The following CORO2B variants were observed in gnomAD, a reference collection of about 807,000 sequenced individuals.
CORO2B encodes the protein coronin-2B.
In CORO2B, 26 loss-of-function variants were observed where a neutral mutation model predicts 58.8. The ratio of observed to expected loss-of-function variants is 0.44; its 90% CI spans 0.32 to 0.61. CORO2B has a LOEUF of 0.61. Ranked by LOEUF, CORO2B falls within the 20% of genes least tolerant of loss-of-function variation. The probability of loss-of-function intolerance (pLI) is 0.04; values close to 1 mark genes in which losing one functional copy is unlikely to be tolerated. For synonymous variants in CORO2B, 242 were observed against 253.8 expected (o/e 0.95, Z 0.44); for missense variants, 460 against 645.1 (o/e 0.71, Z 3.11).
Position 68,726,826 on chromosome 15 carries a change from C to T in CORO2B, c.*852C>T, listed in dbSNP as rs1294911950. On this transcript the variant is annotated 3_prime_UTR_variant, in exon 12 of 12. Transcript: ENST00000261861. ...GGCCTTTCCCGCTGCATCAAGATGC[C>T]AATCCCTTTGTGGGCTTCACCAGTG... 6.6e-6 allele frequency: 1 copy of T among 152,228 alleles called. No homozygotes were observed. Among genetic ancestry groups the T allele is most frequent in the African/African-American group, 2.4e-5 (1 of 41,448 alleles). 9.4% of individuals were successfully genotyped at this position (152,228 alleles called of 1,614,324 possible). A position where few individuals can be genotyped will look rare whatever the true frequency, so the allele number is the denominator to read the frequency against.
chr15:68,712,296 G>A (rs560310601), intron 5 of CORO2B, among the ~76,000 whole-genome samples: 1 of 152,308 alleles, frequency 6.6e-6, no homozygotes, highest in South Asian at 2.1e-4. Flanking sequence ...TACACAAGAA[G>A]GGATTAATGC....
At chr15:68,638,172 C>T (rs1461243649) in intron 1 of CORO2B, among the ~76,000 whole-genome samples, 1 of 152,148 alleles carries the variant, frequency 6.6e-6, no homozygotes, top group Non-Finnish European at 1.5e-5. Flanking sequence ...ATCTGGAATC[C>T]AGAACCTCTC....
Position 68,645,315 on chromosome 15 carries a change from C to T in CORO2B, c.171C>T (p.Thr57=), listed in dbSNP as rs758111798. The T allele has an allele frequency of 1.6e-5, 26 of 1,613,264 alleles. No homozygotes were observed. Among genetic ancestry groups the T allele is most frequent in the Admixed American group, 1.2e-4 (7 of 60,002 alleles). The change falls in exon 2 of 12, where the codon ACC becomes ACT. Residue 57 remains threonine, a synonymous_variant. Coordinates refer to ENST00000261861, the MANE Select transcript of CORO2B (RefSeq NM_006091.5). The surrounding 1 kb of genome is among the most constrained non-coding windows in gnomAD (Gnocchi z 4.5). The part of the protein sequence containing the change: ...AVNTRFLAIV[T]ESAGGGSFLV... ...ACACCCGCTTCCTGGCCATCGTCAC[C>T]GAGAGCGCAGGGGGCGGCTCCTTCC...
At chr15:68,695,884 G>A (rs1354020848) in intron 3 of CORO2B, among the ~76,000 whole-genome samples, 1 of 152,002 alleles carries the variant, frequency 6.6e-6, no homozygotes, top group African/African-American at 2.4e-5. Flanking sequence ...ACAGATAGGA[G>A]AAATAGAGAT....
rs567451696 is a variant in CORO2B, at chr15:68,705,846, G to A, written c.334-4886G>A. ...TACTTGAACCCACACACCTCTAACA[G>A]GTACAGTCTCTATTTTCTGGATGAG... On this transcript the variant is annotated intron_variant, in intron 3 of 11. Transcript: ENST00000261861. Among the ~76,000 whole-genome samples the A allele has an allele frequency of 1.2e-4, 19 of 152,166 alleles. No homozygotes were observed. The East Asian group carries it at 3.7e-3, about 29-fold the overall frequency.
the CORO2B span, among the ~76,000 whole-genome samples, chr15:68,571,235 T>C: frequency 6.6e-6 from 1 of 152,342 alleles, no homozygotes; most frequent in South Asian, 2.1e-4. Context: ...TACTCAGTAC[T>C]CAATATTCAG....
At chr15:68,685,950 G>A (rs959722101) in intron 2 of CORO2B, among the ~76,000 whole-genome samples, 1 of 151,194 alleles carries the variant, frequency 6.6e-6, no homozygotes, top group Non-Finnish European at 1.5e-5. Flanking sequence ...ACAAATCTAA[G>A]GGGCTTCGCA....
Position 68,695,123 on chromosome 15 carries a change from CTCTT to C in CORO2B, c.217-13_217-10del. Reference sequence around the variant, plus strand: ...CAAACTAATCTCCTTCTCTCTCTCTCTCTTTCTCCTCTGCAGACAGGCAGGATTG... The same window carrying C: ...CAAACTAATCTCCTTCTCTCTCTCTCTCTCCTCTGCAGACAGGCAGGATTG... On this transcript the variant is annotated splice_polypyrimidine_tract_variant and intron_variant, in intron 2 of 11. Transcript: ENST00000261861. The C allele has an allele frequency of 1.9e-6, 3 of 1,598,554 alleles. No homozygotes were observed. The highest frequency in any genetic ancestry group is 2.6e-6 in the Non-Finnish European group (3 of 1,166,180).
In CORO2B at chr15:68,701,482, T is replaced by TTTA. The variant is rs1892646797; in HGVS notation, c.333+6228_333+6229insATT. 4.1e-5 allele frequency among the ~76,000 whole-genome samples: 4 copies of TTTA among 97,660 alleles called. No homozygotes were observed. The South Asian group carries it at 1.6e-3, about 38-fold the overall frequency. 64.1% of individuals were successfully genotyped at this position (97,660 alleles called of 152,430 possible). On this transcript the variant is annotated intron_variant, in intron 3 of 11. Transcript: ENST00000261861. ...GCCTGCAACCACGCCCGGCTAATTT[T>TTTA]TTTTTTTTTTTTTTTTTTTTTGAGA... is the stretch of plus-strand genomic sequence containing the variant.
rs78726358 is a variant in CORO2B at position 68,717,311 on chromosome 15, C to CAA, written c.968-1373_968-1372dup. Among the ~76,000 whole-genome samples the CAA allele has an allele frequency of 6.4e-3, 716 of 112,610 alleles. 5 individuals are homozygous for CAA. Among genetic ancestry groups the CAA allele is most frequent in the African/African-American group, 0.022 (684 of 31,738 alleles). 73.9% of individuals were successfully genotyped at this position (112,610 alleles called of 152,430 possible). On this transcript the variant is annotated intron_variant, in intron 8 of 11. Transcript: ENST00000261861. The stretch of plus-strand genomic sequence containing the variant: ...CCTGGGCAACAGAGCCAGACTCTGT[C>CAA]AAAAAAAAAAAAAAAGATTTCTCTG...
intron 1 of CORO2B, among the ~76,000 whole-genome samples, chr15:68,595,387 C>T (rs145272302): frequency 2.6e-4 from 39 of 152,356 alleles, no homozygotes; most frequent in Admixed American, 8.5e-4. Flanking sequence ...ACCAGAGAAG[C>T]AAGGCAGCAC....
At chr15:68,701,199 C>T (rs2140318117) in intron 3 of CORO2B, among the ~76,000 whole-genome samples, 1 of 152,308 alleles carries the variant, frequency 6.6e-6, no homozygotes, top group East Asian at 1.9e-4. Context: ...GAGAAAGCAG[C>T]AGTATGGCTC....
chr15:68,535,128 C>T, the CORO2B span, among the ~76,000 whole-genome samples: 598 of 152,292 alleles, frequency 3.9e-3, 1 homozygote, highest in Non-Finnish European at 7.5e-3. Flanking sequence ...GTCTCCTAGG[C>T]ACCTCACCTT....
chr15:68,549,885 G>A, the CORO2B span, among the ~76,000 whole-genome samples: 11 of 151,940 alleles, frequency 7.2e-5, no homozygotes, highest in African/African-American at 2.7e-4. Flanking sequence ...AGGTTGCAGT[G>A]AGCTGAGATT....
At chr15:68,625,749 TGCACA>T (rs1355097311) in intron 1 of CORO2B, among the ~76,000 whole-genome samples, 4 of 151,826 alleles carry the variant, frequency 2.6e-5, no homozygotes, top group Admixed American at 2.0e-4. Context: ...GGACTACAGG[TGCACA>T]CCACCACACC....
intron 8 of CORO2B, among the ~76,000 whole-genome samples, chr15:68,717,005 G>C (rs1893047042): frequency 6.6e-6 from 1 of 152,124 alleles, no homozygotes; most frequent in Non-Finnish European, 1.5e-5. Flanking sequence ...CGAAATGTTA[G>C]TTAAGATTGC....
chr15:68,700,380 C>G lies in CORO2B; in HGVS notation c.333+5124C>G, dbSNP rs184511374. On this transcript the variant is annotated intron_variant, in intron 3 of 11. Coordinates refer to ENST00000261861, the MANE Select transcript of CORO2B (RefSeq NM_006091.5). Reference sequence around the variant, plus strand: ...GCCCTCCACTTCCCTCTACTTGTCTCAAAACATTCAGAGGACACTGGTGGG... The same window carrying G: ...GCCCTCCACTTCCCTCTACTTGTCTGAAAACATTCAGAGGACACTGGTGGG... Among the ~76,000 whole-genome samples the G allele has an allele frequency of 7.1e-4, 102 of 143,566 alleles. 5 individuals are homozygous for G. Among genetic ancestry groups the G allele is most frequent in the Non-Finnish European group, 2.5e-4 (17 of 67,914 alleles). 94.2% of individuals were successfully genotyped at this position (143,566 alleles called of 152,430 possible).
At chr15:68,582,882 T>C (rs1899462957) in intron 1 of CORO2B, among the ~76,000 whole-genome samples, 1 of 152,092 alleles carries the variant, frequency 6.6e-6, no homozygotes, top group South Asian at 2.1e-4. Flanking sequence ...CTGAATGCTT[T>C]TTACCTTCCT....
chr15:68,613,449 A>G (rs1900284876), intron 1 of CORO2B, among the ~76,000 whole-genome samples: 1 of 152,118 alleles, frequency 6.6e-6, no homozygotes, highest in African/African-American at 2.4e-5. Context: ...CCCTCTCAGA[A>G]CTTCCCTTCT....
Sources: allele counts gnomAD v4.1 joint callset (sites outside exome capture counted in the v4.1 genomes callset), GRCh38; gene constraint gnomAD v4.1.1; non-coding constraint Gnocchi (gnomAD v3.1); transcripts MANE v1.5; gene names NCBI Gene and HGNC (gene_info 2026-07-23, HGNC 2026-07-21).